AP1S3: variants seen among roughly 807,000 people sequenced by gnomAD.
The protein encoded by AP1S3 is adaptor related protein complex 1 subunit sigma 3.
Under a neutral mutation model 20.9 loss-of-function variants are expected in AP1S3, and 10 were observed. That is an observed-to-expected ratio of 0.48 (90% confidence interval 0.29 to 0.81). AP1S3 has a LOEUF of 0.81. Among genes scored for constraint, AP1S3 ranks in the 30% least tolerant of loss-of-function variants. The pLI is 0.08. For synonymous variants in AP1S3, 41 were observed against 61.5 expected, an observed-to-expected ratio of 0.67 and a Z score of 1.56; for missense variants, 154 against 183.8, an observed-to-expected ratio of 0.84 and a Z score of 0.94.
At position 223,837,518 on chromosome 2, in the gene AP1S3, A is replaced by T; in HGVS notation, c.-68T>A. ...GCTGGAGAAGCGAGGGCGAGAGGCG[A>T]GCGCTGGAGCCGGTGCGGCTGACAG... On this transcript the variant is annotated 5_prime_UTR_variant, in exon 1 of 5. Coordinates refer to ENST00000396654, the MANE Select transcript of AP1S3 (RefSeq NM_001039569.2). 1 of 1,147,698 alleles carries T rather than the reference A, an allele frequency of 8.7e-7. No individual in the cohort carries two copies. Among genetic ancestry groups the T allele is most frequent in the Non-Finnish European group, 1.1e-6 (1 of 902,740 alleles). 71.1% of individuals were successfully genotyped at this position (1,147,698 alleles called of 1,614,324 possible).
chr2:223,836,569 G>A (rs1259964588), intron 1 of AP1S3, among the ~76,000 whole-genome samples: 1 of 152,056 alleles, frequency 6.6e-6, no homozygotes. Context: ...GTGAAACCCC[G>A]TCTCTACTAA....
At chr2:223,827,422 G>A (rs757270440) in intron 1 of AP1S3, among the ~76,000 whole-genome samples, 1 of 151,878 alleles carries the variant, frequency 6.6e-6, no homozygotes, top group Admixed American at 6.6e-5. Flanking sequence ...TCACTTTGTC[G>A]CCCAGGTTGG....
At chr2:223,769,965 C>T (rs1264121902) in intron 3 of AP1S3, among the ~76,000 whole-genome samples, 1 of 151,798 alleles carries the variant, frequency 6.6e-6, no homozygotes, top group African/African-American at 2.4e-5. Flanking sequence ...AGGATGGTCT[C>T]GATCTCCTGA....
intron 1 of AP1S3, among the ~76,000 whole-genome samples, chr2:223,814,341 C>G (rs916330357): frequency 6.6e-6 from 1 of 152,192 alleles, no homozygotes. Flanking sequence ...TGTTCTCTGC[C>G]TTTCACGTTC....
At chr2:223,826,252 G>C (rs1054333258) in intron 1 of AP1S3, among the ~76,000 whole-genome samples, 1 of 152,104 alleles carries the variant, frequency 6.6e-6, no homozygotes, top group Non-Finnish European at 1.5e-5. Context: ...GAAATAGGGG[G>C]CAGAAATTCC....
intron 1 of AP1S3, among the ~76,000 whole-genome samples, chr2:223,794,894 C>T (rs1233978237): frequency 6.6e-6 from 1 of 152,218 alleles, no homozygotes; most frequent in Non-Finnish European, 1.5e-5. Context: ...ATGGCATATT[C>T]ACCTTCTCAA....
At chr2:223,816,805 G>A (rs1210976795) in intron 1 of AP1S3, among the ~76,000 whole-genome samples, 2 of 152,276 alleles carry the variant, frequency 1.3e-5, no homozygotes, top group South Asian at 4.1e-4. Context: ...AAAGATGACA[G>A]ACAATCCCCC....
chr2:223,767,684 G>A (rs1277411006), intron 3 of AP1S3, among the ~76,000 whole-genome samples: 1 of 151,796 alleles, frequency 6.6e-6, no homozygotes, highest in African/African-American at 2.4e-5. Context: ...CCACTAACTA[G>A]ACATCTTTAC....
intron 1 of AP1S3, among the ~76,000 whole-genome samples, chr2:223,794,427 C>T (rs1691287945): frequency 6.6e-6 from 1 of 152,012 alleles, no homozygotes; most frequent in Non-Finnish European, 1.5e-5. Context: ...TTGAGAAAGC[C>T]TTCCTTTAAA....
chr2:223,781,870 C>A (rs1690955660), intron 1 of AP1S3, among the ~76,000 whole-genome samples: 1 of 152,124 alleles, frequency 6.6e-6, no homozygotes, highest in South Asian at 2.1e-4. Flanking sequence ...AGAAATTTTT[C>A]TTCCTCCACC....
intron 3 of AP1S3, among the ~76,000 whole-genome samples, chr2:223,775,559 G>A (rs1263943116): frequency 6.6e-6 from 1 of 152,262 alleles, no homozygotes; most frequent in African/African-American, 2.4e-5. Flanking sequence ...AGCTTTGGGT[G>A]GCTGGGCACG....
chr2:223,773,345 GC>G, intron 3 of AP1S3: 1 of 1,303,978 alleles, frequency 7.7e-7, no homozygotes, highest in Non-Finnish European at 1.0e-6. Flanking sequence ...CTTGCAAAAG[GC>G]CAAGTCTGTA....
At chr2:223,759,284 CAA>C (rs1275743056) in intron 4 of AP1S3, among the ~76,000 whole-genome samples, 2 of 126,272 alleles carry the variant, frequency 1.6e-5, no homozygotes, top group African/African-American at 5.3e-5. Context: ...GTCTCAAAAA[CAA>C]AAAAAAAAAA....
chr2:223,786,172 C>T (rs939089589), intron 1 of AP1S3, among the ~76,000 whole-genome samples: 1 of 152,146 alleles, frequency 6.6e-6, no homozygotes, highest in Admixed American at 6.5e-5. Context: ...GAAGTATCTC[C>T]TAGCTACACA....
chr2:223,809,569 G>A lies in AP1S3; in HGVS notation c.3+27879C>T, dbSNP rs189146134. ...CTGAGGCAGAGAATTGCTTGAACCC[G>A]GGAAGTGGAGGTTGCAGTGAGTCGA... On this transcript the variant is annotated intron_variant, in intron 1 of 4. Transcript: ENST00000396654. Among the ~76,000 whole-genome samples the A allele has an allele frequency of 3.8e-3, 573 of 151,512 alleles. 4 individuals carry two copies. The highest frequency in any genetic ancestry group is 0.013 in the African/African-American group (548 of 41,346).
At chr2:223,763,477 T>C (rs1474001070) in intron 4 of AP1S3, among the ~76,000 whole-genome samples, 4 of 147,384 alleles carry the variant, frequency 2.7e-5, no homozygotes, top group Non-Finnish European at 5.9e-5. Flanking sequence ...GTCAGGACCC[T>C]GAGGTCCTGA....
chr2:223,780,306 TATAGAGAGAGAG>T (rs869154889), intron 1 of AP1S3, among the ~76,000 whole-genome samples: 5 of 45,238 alleles, frequency 1.1e-4, no homozygotes, highest in East Asian at 1.3e-3. Flanking sequence ...TATATATATA[TATAGAGAGAGAG>T]AGAGAGAGAG....
intron 2 of AP1S3, 101 bp from the exon 3 acceptor site, chr2:223,776,110 C>A (rs1320607939): frequency 7.6e-6 from 6 of 794,058 alleles, no homozygotes; most frequent in Admixed American, 4.0e-5. Context: ...CCCGCCGAGC[C>A]TCTCCTCATC....
At chr2:223,823,557 GAGT>G (rs1692045437) in intron 1 of AP1S3, among the ~76,000 whole-genome samples, 1 of 152,198 alleles carries the variant, frequency 6.6e-6, no homozygotes, top group South Asian at 2.1e-4. Context: ...AGCAGAGAGA[GAGT>G]AGAATAGTGG....
Sources: gnomAD v4.1 joint callset for allele counts (sites outside exome capture counted in the v4.1 genomes callset) on GRCh38, gnomAD v4.1.1 for gene constraint, MANE v1.5 for transcripts, NCBI Gene and HGNC (gene_info 2026-07-23, HGNC 2026-07-21) for gene names.